The following ACACB variants were observed in gnomAD, a reference collection of about 807,000 sequenced individuals.
ACACB encodes acetyl-CoA carboxylase 2.
A neutral mutation model predicts 278.8 loss-of-function variants in ACACB; 209 were observed. The observed-to-expected ratio is 0.75, with a 90% CI of 0.67 to 0.84. The LOEUF (loss-of-function observed/expected upper bound fraction) is 0.84, where lower values mean the gene tolerates loss of function less well. ACACB is among the 40% of genes least tolerant of loss of function. The pLI is 0.00. For missense variants in ACACB, 2,850 were observed against 3,269.0 expected (o/e 0.87, Z 3.13); for synonymous variants, 1,174 against 1,285.6 (o/e 0.91, Z 1.86).
chr12:109,185,479 T>A (rs898984312), intron 11 of ACACB, 100 bp from the exon 12 acceptor site: 2 of 1,302,018 alleles, frequency 1.5e-6, no homozygotes, highest in Non-Finnish European at 2.2e-6. Context: ...ATATCCTAAA[T>A]CATTGACTGA....
At position 109,197,094 on chromosome 12, in the gene ACACB, G is replaced by T. The variant is rs1290219062; in HGVS notation, c.2568G>T (p.Gly856=). Residue 856 remains glycine (G), a synonymous_variant, in exon 17 of 53, where the codon GGG becomes GGT. Coordinates refer to ENST00000338432, the MANE Select transcript of ACACB (RefSeq NM_001093.4). ...ATGCCCACCGGCTGAATGATGGGGG[G>T]CTCCTGCTCTCCTACAATGGGAACA... The part of the protein sequence containing the change: ...EIDAHRLNDG[G]LLLSYNGNSY... The T allele has an allele frequency of 1.9e-6, 3 of 1,601,832 alleles. No homozygotes were observed. The highest frequency in any genetic ancestry group is 2.3e-5 in the East Asian group (1 of 43,824).
intron 11 of ACACB, 127 bp from the exon 12 acceptor site, chr12:109,185,452 T>G: frequency 1.0e-6 from 1 of 1,000,478 alleles, no homozygotes; most frequent in Non-Finnish European, 1.5e-6. Flanking sequence ...CCATGTTGTC[T>G]ATAGAGTAGT....
Position 109,265,395 on chromosome 12 carries a change from T to A in ACACB, c.7120T>A (p.Leu2374Met). The part of the protein sequence containing the change: ...VETEGAVKAY[L>M]WDNNQVVVQW... ...TCCTCTGCCCCCTCCCCAGGCCTAC[T>A]TGTGGGACAACAACCAGGTGGTTGT... Residue 2374 changes from leucine to methionine, a missense_variant, in exon 52 of 53, where the codon TTG (leucine) becomes ATG (methionine). Transcript: ENST00000338432. 14 of 1,613,780 alleles carry A rather than the reference T, an allele frequency of 8.7e-6. No homozygotes were observed. Among genetic ancestry groups the A allele is most frequent in the Non-Finnish European group, 1.2e-5 (14 of 1,179,920 alleles).
At chr12:109,216,219 C>CTCT (rs2045991760) in intron 22 of ACACB, among the ~76,000 whole-genome samples, 3 of 128,148 alleles carry the variant, frequency 2.3e-5, no homozygotes, top group Non-Finnish European at 3.3e-5. Flanking sequence ...CTCTCTCTCT[C>CTCT]TTTTTTTTTT....
chr12:109,188,273 T>A, intron 13 of ACACB, 111 bp downstream of exon 13: 1 of 1,146,242 alleles, frequency 8.7e-7, no homozygotes, highest in Non-Finnish European at 1.2e-6. Context: ...CTCTTTCTCC[T>A]CCCTTCCTTT....
Position 109,266,270 on chromosome 12 carries a change from T to C in ACACB, c.7285T>C (p.Cys2429Arg). The change falls in exon 53 of 53, where the codon TGT (cysteine) becomes CGT (arginine). Residue 2429 changes from cysteine to arginine, a missense_variant. Physicochemically the swap from Cys to Arg is radical, Grantham distance 180. Transcript: ENST00000338432. Reference sequence around the variant, plus strand: ...AGAAAACCCCGAGGTGGCCGTGGACTGTGTGATATACCTGAGCCAGCACAT... The same window carrying C: ...AGAAAACCCCGAGGTGGCCGTGGACCGTGTGATATACCTGAGCCAGCACAT... ...VEENPEVAVD[C>R]VIYLSQHISP... 13 of 1,613,828 alleles carry C rather than the reference T, an allele frequency of 8.1e-6. No individual in the cohort carries two copies. Among genetic ancestry groups the C allele is most frequent in the Non-Finnish European group, 1.1e-5 (13 of 1,179,914 alleles).
chr12:109,179,927 G>T lies in ACACB; in HGVS notation c.1658G>T (p.Arg553Leu), dbSNP rs376035720. 1.9e-6 allele frequency: 3 copies of T among 1,603,230 alleles called. No homozygotes were observed. The highest frequency in any genetic ancestry group is 1.3e-5 in the African/African-American group (1 of 74,718). Residue 553 changes from arginine (R) to leucine (L), a missense_variant, in exon 11 of 53, where the codon CGC becomes CTC. Arg to Leu is a moderately radical substitution (Grantham distance 102). Transcript: ENST00000338432. ...TCTGTTTCTTCACAGTGTGCCATCC[G>T]CCTGGCCAAGACCGTGGGCTATGTG... is the stretch of plus-strand genomic sequence containing the variant. Reference protein sequence around the residue: ...IFEFMEQCAIRLAKTVGYVSA... With the variant: ...IFEFMEQCAILLAKTVGYVSA...
intron 44 of ACACB, 150 bp from the exon 45 acceptor site, chr12:109,255,990 T>A: frequency 5.2e-6 from 3 of 582,198 alleles, no homozygotes; most frequent in Non-Finnish European, 6.3e-6. Context: ...AGGGAAGGGG[T>A]TGGGCTGTGT....
rs556288479 is a variant in ACACB at position 109,207,171 on chromosome 12, G to A, written c.3060+315G>A. Among the ~76,000 whole-genome samples, 63 of 152,276 alleles carry A rather than the reference G, an allele frequency of 4.1e-4. 1 individual carries two copies. The highest frequency in any genetic ancestry group is 1.4e-3 in the African/African-American group (58 of 41,554). ...GCATTTTGCCATGTTCCCCACGCTG[G>A]TCTTGAACTCTTGGGCTCAAGTGAT... is the stretch of plus-strand genomic sequence containing the variant. On this transcript the variant is annotated intron_variant, in intron 20 of 52. Coordinates refer to ENST00000338432, the MANE Select transcript of ACACB (RefSeq NM_001093.4).
At chr12:109,254,836 G>A (rs182368083) in intron 44 of ACACB, among the ~76,000 whole-genome samples, 355 of 151,370 alleles carry the variant, frequency 2.3e-3, no homozygotes, top group Non-Finnish European at 2.9e-3. Flanking sequence ...GTGCAGTGGC[G>A]CGATCTTGGC....
At chr12:109,257,675 A>G (rs1192826601) in intron 45 of ACACB, among the ~76,000 whole-genome samples, 3 of 152,098 alleles carry the variant, frequency 2.0e-5, no homozygotes, top group Non-Finnish European at 2.9e-5. Context: ...GGCTCAAGCA[A>G]TCCTCCCACC....
At chr12:109,119,882 G>C (rs570254748) in intron 1 of ACACB, among the ~76,000 whole-genome samples, 1 of 151,814 alleles carries the variant, frequency 6.6e-6, no homozygotes, top group Non-Finnish European at 1.5e-5. Context: ...GCGACAGAGC[G>C]AGACTCCATC....
At chr12:109,164,387 T>C (rs2043831874) in intron 2 of ACACB, among the ~76,000 whole-genome samples, 1 of 151,956 alleles carries the variant, frequency 6.6e-6, no homozygotes, top group Admixed American at 6.6e-5. Flanking sequence ...TGCACAACTC[T>C]GTGTCTGGAT....
intron 11 of ACACB, among the ~76,000 whole-genome samples, chr12:109,181,757 T>G (rs2044479239): frequency 6.6e-6 from 1 of 152,044 alleles, no homozygotes; most frequent in South Asian, 2.1e-4. Context: ...TGTACTAATT[T>G]TCAGTCCTAC....
chr12:109,222,616 G>A lies in ACACB; in HGVS notation c.3674G>A (p.Arg1225Gln), dbSNP rs762060491. 18 of 1,613,676 alleles carry A rather than the reference G, an allele frequency of 1.1e-5. No individual in the cohort carries two copies. Among genetic ancestry groups the A allele is most frequent in the South Asian group, 2.2e-5 (2 of 91,072 alleles). The change falls in exon 25 of 53, where the codon CGG becomes CAG. Residue 1225 changes from arginine (R) to glutamine (Q), a missense_variant. Around this residue, in one of 3 missense-constraint regions of ACACB, gnomAD observed 2,265 missense variants for 2,561.3 expected, o/e 0.88. Transcript: ENST00000338432. Reference sequence around the variant, plus strand: ...CACTGCAAAGTGGCCCTCAGAGCCCGGCAGGTAGGGTCTCAGGGTGCGGTC... The same window carrying A: ...CACTGCAAAGTGGCCCTCAGAGCCCAGCAGGTAGGGTCTCAGGGTGCGGTC... ...SEHCKVALRA[R>Q]QILIASHLPS...
At chr12:109,191,186 G>C (rs1481294475) in intron 13 of ACACB, among the ~76,000 whole-genome samples, 1 of 151,002 alleles carries the variant, frequency 6.6e-6, no homozygotes, top group Non-Finnish European at 1.5e-5. Context: ...TGCACTGGCT[G>C]TGTCAGTCAG....
Position 109,242,384 on chromosome 12 carries a change from G to A in ACACB, c.5023-53G>A. The A allele has an allele frequency of 3.8e-6, 6 of 1,571,990 alleles. No homozygotes were observed. In the South Asian group the frequency reaches 5.7e-5, roughly 15 times the overall value. On this transcript the variant is annotated intron_variant, in intron 36 of 52. Transcript: ENST00000338432. ...TTGAGGACTGGGCAGAAATAAATTG[G>A]GGGAGATGTGTGATTCTCTCTCACT...
chr12:109,202,915 C>CAGTATT (rs1420267838), intron 19 of ACACB, among the ~76,000 whole-genome samples: 1 of 152,126 alleles, frequency 6.6e-6, no homozygotes, highest in Non-Finnish European at 1.5e-5. Context: ...TTCTCTTGAG[C>CAGTATT]AGTATTAAAT....
At chr12:109,147,913 T>C (rs2043282677) in intron 2 of ACACB, among the ~76,000 whole-genome samples, 1 of 152,224 alleles carries the variant, frequency 6.6e-6, no homozygotes, top group African/African-American at 2.4e-5. Flanking sequence ...AGTAAATTTT[T>C]GTTTTCATAA....
Sources: allele counts gnomAD v4.1 joint callset (sites outside exome capture counted in the v4.1 genomes callset), GRCh38; gene constraint gnomAD v4.1.1; regional missense constraint gnomAD v4.1.1; transcripts MANE v1.5; gene names NCBI Gene and HGNC (gene_info 2026-07-23, HGNC 2026-07-21).